The following CNTNAP2 variants were observed in gnomAD, a reference collection of about 807,000 sequenced individuals.
CNTNAP2 encodes the protein contactin-associated protein-like 2.
In CNTNAP2, 98 loss-of-function variants were observed where a neutral mutation model predicts 155.2. The observed-to-expected ratio is 0.63, with a 90% confidence interval of 0.54 to 0.75. CNTNAP2 has a LOEUF of 0.75. Ranked by LOEUF, CNTNAP2 falls within the 30% of genes least tolerant of loss-of-function variation. The pLI, the probability that CNTNAP2 is intolerant of heterozygous loss-of-function variation, is 0.00. For missense variants in CNTNAP2, 1,727 were observed against 1,688.1 expected, an observed-to-expected ratio of 1.02 and a Z score of -0.40; for synonymous variants, 651 against 631.2, an observed-to-expected ratio of 1.03 and a Z score of -0.47.
chr7:146,219,219 C>A (rs772890454), intron 1 of CNTNAP2, among the ~76,000 whole-genome samples: 2 of 152,148 alleles, frequency 1.3e-5, no homozygotes, highest in African/African-American at 2.4e-5. Context: ...TCCCTCCACA[C>A]GTGGAGATTA....
intron 1 of CNTNAP2, among the ~76,000 whole-genome samples, chr7:146,723,877 T>TA (rs1432624164): frequency 1.3e-5 from 2 of 152,208 alleles, no homozygotes; most frequent in Non-Finnish European, 2.9e-5. Context: ...GCTCAGGTCT[T>TA]ATAGTAGTGT....
At chr7:146,566,736 A>T (rs1158057440) in intron 1 of CNTNAP2, among the ~76,000 whole-genome samples, 2 of 151,888 alleles carry the variant, frequency 1.3e-5, no homozygotes, top group Non-Finnish European at 2.9e-5. Context: ...TTAAAATTAA[A>T]AAAAAGGAAA....
chr7:146,791,850 T>A (rs1055208715), intron 2 of CNTNAP2, among the ~76,000 whole-genome samples: 1 of 152,238 alleles, frequency 6.6e-6, no homozygotes, highest in Non-Finnish European at 1.5e-5. Flanking sequence ...GCCTGAGATC[T>A]AAAACCCTGT....
intron 8 of CNTNAP2, among the ~76,000 whole-genome samples, chr7:147,262,612 G>A (rs1804502287): frequency 6.6e-6 from 1 of 152,116 alleles, no homozygotes. Context: ...AGACCATCCT[G>A]GCTAACACGG....
In CNTNAP2 at chr7:147,378,872, T is replaced by C. The variant is rs148049278; in HGVS notation, c.1499-16737T>C. On this transcript the variant is annotated intron_variant, in intron 9 of 23. Transcript: ENST00000361727. ...GGTAATTTTTAAGTATTATTTGATA[T>C]GGTTTGGCTGTGTTCCCACCCAAAT... Among the ~76,000 whole-genome samples, 117 of 152,194 alleles carry C rather than the reference T, an allele frequency of 7.7e-4. No homozygotes were observed. In the East Asian group the frequency reaches 0.019, roughly 24 times the overall value.
intron 21 of CNTNAP2, among the ~76,000 whole-genome samples, chr7:148,321,874 G>C (rs1378298247): frequency 6.6e-6 from 1 of 151,992 alleles, no homozygotes; most frequent in Non-Finnish European, 1.5e-5. Flanking sequence ...TTCTAGCTGA[G>C]GTTCTTAGAA....
intron 8 of CNTNAP2, among the ~76,000 whole-genome samples, chr7:147,243,890 A>AT (rs1803996617): frequency 1.3e-5 from 2 of 152,188 alleles, no homozygotes; most frequent in Non-Finnish European, 2.9e-5. Flanking sequence ...AGGACACACT[A>AT]AAATTGTAAT....
intron 13 of CNTNAP2, among the ~76,000 whole-genome samples, chr7:147,826,263 G>A (rs957143453): frequency 5.3e-5 from 8 of 152,248 alleles, no homozygotes; most frequent in African/African-American, 1.9e-4. Flanking sequence ...TAGAAATAAT[G>A]AAAGGAACAC....
chr7:148,034,085 C>T (rs1585089011), intron 15 of CNTNAP2, among the ~76,000 whole-genome samples: 1 of 152,118 alleles, frequency 6.6e-6, no homozygotes, highest in South Asian at 2.1e-4. Flanking sequence ...CATGCCTGCT[C>T]CTGGTACCAT....
intron 12 of CNTNAP2, among the ~76,000 whole-genome samples, chr7:147,576,864 A>G (rs996222091): frequency 1.3e-5 from 2 of 152,018 alleles, no homozygotes; most frequent in Admixed American, 1.3e-4. Context: ...CAACCCCCCT[A>G]TGAAGTGTGG....
At chr7:147,625,293 T>C (rs1378230444) in intron 12 of CNTNAP2, among the ~76,000 whole-genome samples, 1 of 152,184 alleles carries the variant, frequency 6.6e-6, no homozygotes. Flanking sequence ...AATGCTTGAG[T>C]GGATGGATAC....
At chr7:146,318,656 C>A (rs148425965) in intron 1 of CNTNAP2, among the ~76,000 whole-genome samples, 11 of 152,076 alleles carry the variant, frequency 7.2e-5, no homozygotes, top group African/African-American at 2.7e-4. Context: ...GATCTTGTTT[C>A]AAGAGAGAAG....
intron 4 of CNTNAP2, among the ~76,000 whole-genome samples, chr7:147,072,050 A>G (rs911156803): frequency 5.3e-5 from 8 of 152,112 alleles, no homozygotes; most frequent in Admixed American, 2.0e-4. Flanking sequence ...AGTGCTCTCA[A>G]GGTAATAGAA....
At chr7:147,499,841 G>C (rs962551995) in intron 11 of CNTNAP2, among the ~76,000 whole-genome samples, 4 of 152,156 alleles carry the variant, frequency 2.6e-5, no homozygotes, top group Non-Finnish European at 5.9e-5. Flanking sequence ...TGAATGGCAA[G>C]GCTGAGAACA....
Position 148,226,829 on chromosome 7 carries a change from G to T in CNTNAP2, c.3248-2817G>T, listed in dbSNP as rs558324110. On this transcript the variant is annotated intron_variant, in intron 19 of 23. Coordinates refer to ENST00000361727, the MANE Select transcript of CNTNAP2 (RefSeq NM_014141.6). The stretch of plus-strand genomic sequence containing the variant: ...AATCAAGGGCCAAACAGGGCACTTG[G>T]ATCTCTCAAGTCGCCCGCTTGGCCC... Among the ~76,000 whole-genome samples the T allele has an allele frequency of 7.6e-4, 116 of 152,324 alleles. 1 individual carries two copies. The highest frequency in any genetic ancestry group is 1.4e-3 in the Non-Finnish European group (93 of 68,034).
chr7:146,717,808 A>T (rs542089740), intron 1 of CNTNAP2, among the ~76,000 whole-genome samples: 1 of 152,232 alleles, frequency 6.6e-6, no homozygotes, highest in East Asian at 1.9e-4. Flanking sequence ...CATTTCATAA[A>T]GTATCCCAAT....
intron 19 of CNTNAP2, among the ~76,000 whole-genome samples, chr7:148,226,663 C>T (rs1057505823): frequency 2.6e-5 from 4 of 152,192 alleles, no homozygotes; most frequent in Non-Finnish European, 4.4e-5. Flanking sequence ...AATGAGCATG[C>T]GCACTACTTC....
chr7:147,250,421 G>A (rs1217093675), intron 8 of CNTNAP2, among the ~76,000 whole-genome samples: 1 of 152,106 alleles, frequency 6.6e-6, no homozygotes, highest in Non-Finnish European at 1.5e-5. Flanking sequence ...ATTCCGAAGT[G>A]GCTCTTCAGC....
intron 9 of CNTNAP2, among the ~76,000 whole-genome samples, chr7:147,303,577 T>C (rs1794979764): frequency 6.6e-6 from 1 of 152,176 alleles, no homozygotes; most frequent in Non-Finnish European, 1.5e-5. Flanking sequence ...ACTAGTATAG[T>C]GGAAAGGAGA....
Sources: allele counts gnomAD v4.1 joint callset (sites outside exome capture counted in the v4.1 genomes callset), GRCh38; gene constraint gnomAD v4.1.1; transcripts MANE v1.5; gene names NCBI Gene and HGNC (gene_info 2026-07-23, HGNC 2026-07-21).